The following HR variants were observed in gnomAD, a reference collection of about 807,000 sequenced individuals.
HR encodes lysine-specific demethylase hairless.
In HR, 83 loss-of-function variants were observed where a neutral mutation model predicts 128.6. That is an observed-to-expected ratio of 0.65 (90% CI 0.54 to 0.77). The LOEUF (loss-of-function observed/expected upper bound fraction) is 0.77. Ranked by LOEUF, HR falls within the 30% of genes least tolerant of loss-of-function variation. The probability of loss-of-function intolerance (pLI) is 0.00; values close to 1 mark genes in which losing one functional copy is unlikely to be tolerated. For synonymous variants in HR, 681 were observed against 658.2 expected, an observed-to-expected ratio of 1.03 and a Z score of -0.53; for missense variants, 1,490 against 1,574.6, an observed-to-expected ratio of 0.95 and a Z score of 0.91.
intron 6 of HR, among the ~76,000 whole-genome samples, chr8:22,123,311 C>T (rs990467066): frequency 1.3e-5 from 2 of 152,178 alleles, no homozygotes; most frequent in East Asian, 3.8e-4. Context: ...TTGGACGAGT[C>T]GCTTATCCTC....
chr8:22,127,478 TGA>T lies in HR; in HGVS notation c.962_963del (p.Val321AspfsTer13), dbSNP rs1390701579. On this transcript the variant is annotated frameshift_variant, in exon 3 of 19. Transcript: ENST00000381418. LOFTEE classifies it high-confidence loss of function. ...TAGGATGAACAGCAGCCCCGCTGGG[TGA>T]CAGGCGGCTCAGGAGAGGGGCACCT... Reference protein sequence around the residue: ...TPRCPSPEPPVTQRGCCSSYP... With the variant: ...TPRCPSPEPPXTQRGCCSSYP... 1.9e-6 allele frequency: 3 copies of T among 1,610,960 alleles called. No homozygotes were observed. Among genetic ancestry groups the T allele is most frequent in the Non-Finnish European group, 2.5e-6 (3 of 1,178,320 alleles).
Position 22,119,006 on chromosome 8 carries a change from C to A in HR, c.3157G>T (p.Val1053Leu). The change falls in exon 16 of 19, where the codon GTG becomes TTG. Residue 1053 changes from valine to leucine, a missense_variant. By Grantham distance (32) the Val-to-Leu change is conservative. This residue lies in a region of HR where 423 missense variants were observed against 495.9 expected (regional missense o/e 0.85). Transcript: ENST00000381418. ...LWSPGSQVST[V>L]WHVFRAQDAQ... Reference sequence around the variant, plus strand: ...TCCTGTGCCCGGAACACGTGCCACACAGTGCTGACCTGGCTGCCCGGAGAC... The same window carrying A: ...TCCTGTGCCCGGAACACGTGCCACAAAGTGCTGACCTGGCTGCCCGGAGAC... 6.2e-7 allele frequency: 1 copy of A among 1,613,050 alleles called. No homozygotes were observed. The highest frequency in any genetic ancestry group is 8.5e-7 in the Non-Finnish European group (1 of 1,179,964).
At chr8:22,117,076 G>T in intron 16 of HR, 37 bp from the exon 17 acceptor site, 1 of 1,457,416 alleles carries the variant, frequency 6.9e-7, no homozygotes, top group African/African-American at 1.4e-5. Context: ...GAGATGGGGA[G>T]GGAAGGGCAG....
chr8:22,122,860 C>G lies in HR; in HGVS notation c.1935G>C (p.Ala645=), dbSNP rs376963554. The G allele has an allele frequency of 1.2e-5, 19 of 1,554,132 alleles. No individual in the cohort carries two copies. Among genetic ancestry groups the G allele is most frequent in the Non-Finnish European group, 1.6e-5 (18 of 1,148,762 alleles). ...REKAGFQEQS[A]EECTQEAGHA... Reference sequence around the variant, plus strand: ...GCCCGGCCTCCTGCGTGCACTCCTCCGCGGACTGCTCCTGAAAGCCTGTGG... The same window carrying G: ...GCCCGGCCTCCTGCGTGCACTCCTCGGCGGACTGCTCCTGAAAGCCTGTGG... The change falls in exon 7 of 19, where the codon GCG becomes GCC. Residue 645 remains alanine, a synonymous_variant. Coordinates refer to ENST00000381418, the MANE Select transcript of HR (RefSeq NM_005144.5).
chr8:22,119,636 G>T (rs974850879), intron 14 of HR, 124 bp downstream of exon 14: 32 of 1,140,152 alleles, frequency 2.8e-5, no homozygotes, highest in Admixed American at 2.7e-4. Flanking sequence ...AAAAAAGAAA[G>T]AAAGAAATGG....
Position 22,128,897 on chromosome 8 carries a change from C to G in HR, c.274G>C (p.Gly92Arg). ...QNGERKVNWL[G>R]SKEGLRWKEA... ...TTCCAGCGCAGTCCCTCTTTGCTGC[C>G]CAGCCAGTTGACCTTCCTCTCCCCA... Residue 92 changes from glycine (G) to arginine (R), a missense_variant, in exon 2 of 19, where the codon GGC (glycine) becomes CGC (arginine). By Grantham distance (125) the Gly-to-Arg change is moderately radical. Transcript: ENST00000381418. The G allele has an allele frequency of 6.2e-7, 1 of 1,613,528 alleles. No homozygotes were observed. Among genetic ancestry groups the G allele is most frequent in the East Asian group, 2.2e-5 (1 of 44,882 alleles).
chr8:22,119,025 C>T lies in HR; in HGVS notation c.3138G>A (p.Pro1046=), dbSNP rs761596302. ...GCCACACAGTGCTGACCTGGCTGCC[C>T]GGAGACCAGAGCCCCTCCCCGTCCA... ...SGLDGEGLWS[P]GSQVSTVWHV... is the part of the protein sequence containing the mutation. Residue 1046 remains proline, a synonymous_variant, in exon 16 of 19, where the codon CCG becomes CCA. Transcript: ENST00000381418. 1.5e-5 allele frequency: 24 copies of T among 1,613,188 alleles called. No homozygotes were observed. The highest frequency in any genetic ancestry group is 2.2e-5 in the South Asian group (2 of 91,070).
rs963943783 is a variant in HR at position 22,116,764 on chromosome 8, C to G, written c.3378+111G>C. 2.1e-6 allele frequency: 3 copies of G among 1,428,194 alleles called. No homozygotes were observed. Among genetic ancestry groups the G allele is most frequent in the Admixed American group, 2.0e-5 (1 of 50,836 alleles). The allele number at this position is 1,428,194 out of a possible 1,614,324, so 88.5% of individuals were successfully genotyped here. A position where few individuals can be genotyped will look rare whatever the true frequency, so the allele number is the denominator to read the frequency against. The stretch of plus-strand genomic sequence containing the variant: ...CTTCCCCACAGCAGCGTGCGGCTCC[C>G]TGCCCTGCCCGGCTCTTGGGTATTG... On this transcript the variant is annotated intron_variant, in intron 17 of 18. Transcript: ENST00000381418. The surrounding 1 kb of genome is among the most constrained non-coding windows in gnomAD (Gnocchi z 4.2).
At chr8:22,125,243 G>A (rs571509049) in intron 5 of HR, 68 bp downstream of exon 5, 7 of 1,493,394 alleles carry the variant, frequency 4.7e-6, no homozygotes, top group Middle Eastern at 2.2e-4. Context: ...GTGTGGGTGG[G>A]GTCAGGGGAG....
rs201030061 is a variant in HR at position 22,116,337 on chromosome 8, G to C, written c.3470C>G (p.Pro1157Arg). ...ALSAQLCHQG[P>R]SLPPDCHLLY... is the part of the protein sequence containing the mutation. ...CAGGTGGCAGTCAGGGGGAAGGCTG[G>C]GTCCCTGGTGGCAGAGCTGAGCAGA... Residue 1157 changes from proline to arginine, a missense_variant, in exon 18 of 19, where the codon CCC becomes CGC. Coordinates refer to ENST00000381418, the MANE Select transcript of HR (RefSeq NM_005144.5). This position sits in a 1 kb window ranked among gnomAD's most constrained non-coding sequence, Gnocchi z 4.2. 6,638 of 1,612,822 alleles carry C rather than the reference G, an allele frequency of 4.1e-3. 261 individuals are homozygous for C. In the South Asian group the frequency reaches 0.069, roughly 17 times the overall value.
chr8:22,122,465 C>T (rs973624369), intron 8 of HR, 28 bp downstream of exon 8: 1 of 1,540,480 alleles, frequency 6.5e-7, no homozygotes, highest in East Asian at 2.3e-5. Context: ...GGCACGATAC[C>T]CAACCGGTGA....
chr8:22,130,134 G>A (rs774175327), intron 1 of HR, among the ~76,000 whole-genome samples: 3 of 152,258 alleles, frequency 2.0e-5, no homozygotes, highest in Non-Finnish European at 4.4e-5. Context: ...TGCGTGCAAG[G>A]GACCAGGATG....
At chr8:22,117,079 A>G in intron 16 of HR, 40 bp from the exon 17 acceptor site, 3 of 1,456,992 alleles carry the variant, frequency 2.1e-6, no homozygotes, top group Non-Finnish European at 2.7e-6. Context: ...ATGGGGAGGG[A>G]AGGGCAGGGC....
chr8:22,127,367 TGG>T lies in HR; in HGVS notation c.1073_1074del (p.Pro358GlnfsTer34). On this transcript the variant is annotated frameshift_variant, in exon 3 of 19. Transcript: ENST00000381418. LOFTEE classifies it high-confidence loss of function. ...LEGGASGASE[P>X]SEEVNKASGP... ...CCAGAGGCCTTGTTCACTTCCTCGC[TGG>T]GTTCGCTGGCTCCACTGGCACCCCC... 1 of 1,613,404 alleles carries T rather than the reference TGG, an allele frequency of 6.2e-7. No homozygotes were observed. The highest frequency in any genetic ancestry group is 8.5e-7 in the Non-Finnish European group (1 of 1,180,028).
At position 22,125,568 on chromosome 8, in the gene HR, G is replaced by A. The variant is rs748560403; in HGVS notation, c.1556+14C>T. On this transcript the variant is annotated intron_variant, in intron 4 of 18. Transcript: ENST00000381418. Reference sequence around the variant, plus strand: ...GCGAGGGGGCACTGGAGGTGTCCAGGGGCAATGGCTCACCTCCGCACTTGC... The same window carrying A: ...GCGAGGGGGCACTGGAGGTGTCCAGAGGCAATGGCTCACCTCCGCACTTGC... 5 of 1,612,978 alleles carry A rather than the reference G, an allele frequency of 3.1e-6. No homozygotes were observed. Among genetic ancestry groups the A allele is most frequent in the Non-Finnish European group, 4.2e-6 (5 of 1,179,638 alleles).
At chr8:22,119,946 T>C in intron 13 of HR, 56 bp from the exon 14 acceptor site, 2 of 1,610,666 alleles carry the variant, frequency 1.2e-6, no homozygotes, top group Non-Finnish European at 1.7e-6. Context: ...AGAGACCCCA[T>C]CAAAGCCCCA....
At position 22,119,257 on chromosome 8, in the gene HR, C is replaced by T; in HGVS notation, c.3004G>A (p.Gly1002Arg). 1 of 1,613,702 alleles carries T rather than the reference C, an allele frequency of 6.2e-7. No individual in the cohort carries two copies. The change falls in exon 15 of 19, where the codon GGG (glycine) becomes AGG (arginine). Residue 1002 changes from glycine to arginine, a missense_variant. Around this residue, in one of 3 missense-constraint regions of HR, gnomAD observed 423 missense variants for 495.9 expected, o/e 0.85. Transcript: ENST00000381418. ...YGVSPHRGHL[G>R]TKNLCVEVAD... ...ACCTCCACACAGAGGTTCTTGGTCC[C>T]CAGGTGTCCCCGGTGCGGGCTCACA...
At position 22,115,624 on chromosome 8, in the gene HR, C is replaced by A. The variant is rs769096804; in HGVS notation, c.*76G>T. On this transcript the variant is annotated 3_prime_UTR_variant, in exon 19 of 19. Coordinates refer to ENST00000381418, the MANE Select transcript of HR (RefSeq NM_005144.5). ...AAATCCCCAAGTCCCCTAGCGCCATCCCCTGCTGAAGTTGTGCCTGGGCTG... is the reference window on the plus strand; with the variant it reads ...AAATCCCCAAGTCCCCTAGCGCCATACCCTGCTGAAGTTGTGCCTGGGCTG... The A allele has an allele frequency of 1.1e-4, 136 of 1,283,132 alleles. No homozygotes were observed. The highest frequency in any genetic ancestry group is 3.7e-4 in the Middle Eastern group (2 of 5,334). 79.5% of individuals were successfully genotyped at this position (1,283,132 alleles called of 1,614,324 possible).
Position 22,115,393 on chromosome 8 carries a change from T to C in HR, c.*307A>G. 1 of 529,234 alleles carries C rather than the reference T, an allele frequency of 1.9e-6. No individual in the cohort carries two copies. The highest frequency in any genetic ancestry group is 1.9e-5 in the African/African-American group (1 of 52,398). The allele number at this position is 529,234 out of a possible 1,614,324, so 32.8% of individuals were successfully genotyped here. ...AGTTTCCCCAAGGAAGGGCTGTTTG[T>C]CTCCTGGGTCTCGGAGGAGTGGGGA... On this transcript the variant is annotated 3_prime_UTR_variant, in exon 19 of 19. Transcript: ENST00000381418.
Sources: allele counts gnomAD v4.1 joint callset (sites outside exome capture counted in the v4.1 genomes callset), GRCh38; gene constraint gnomAD v4.1.1; regional missense constraint gnomAD v4.1.1; non-coding constraint Gnocchi (gnomAD v3.1); transcripts MANE v1.5; gene names NCBI Gene and HGNC (gene_info 2026-07-23, HGNC 2026-07-21).